Variants in P3H2 observed in about 807,000 individuals in gnomAD.
P3H2 encodes the protein leprecan-like 1.
P3H2 carries 80 observed loss-of-function variants against 87.0 expected under a neutral mutation model. That is an observed-to-expected ratio of 0.92 (90% CI 0.77 to 1.11). P3H2 has a LOEUF of 1.11. Among genes scored for constraint, P3H2 ranks in the 50% least tolerant of loss-of-function variants. P3H2 has a pLI of 0.00. For missense variants in P3H2, 1,001 were observed against 923.9 expected (o/e 1.08, Z -1.08); for synonymous variants, 367 against 359.3 (o/e 1.02, Z -0.24).
At chr3:190,002,490 T>A (rs1450535759) in intron 1 of P3H2, among the ~76,000 whole-genome samples, 2 of 151,858 alleles carry the variant, frequency 1.3e-5, no homozygotes, top group Non-Finnish European at 2.9e-5. Context: ...AATCTCTGCC[T>A]CCTGGGTTCG....
At chr3:190,104,462 A>G (rs1217131748) in intron 1 of P3H2, among the ~76,000 whole-genome samples, 2 of 152,132 alleles carry the variant, frequency 1.3e-5, no homozygotes, top group Non-Finnish European at 2.9e-5. Context: ...TTATTTAAAT[A>G]TTATTATAAA....
At chr3:189,982,144 T>C (rs1246903700) in intron 8 of P3H2, among the ~76,000 whole-genome samples, 2 of 152,228 alleles carry the variant, frequency 1.3e-5, no homozygotes. Flanking sequence ...CTATGTTTCA[T>C]GCAGCAGGTG....
intron 1 of P3H2, among the ~76,000 whole-genome samples, chr3:190,053,710 G>A (rs1397035610): frequency 5.9e-5 from 9 of 152,090 alleles, no homozygotes; most frequent in East Asian, 1.9e-4. Flanking sequence ...CACGCGCCTC[G>A]GCCTCCCAAA....
Position 189,995,319 on chromosome 3 carries a change from A to T in P3H2, c.604T>A (p.Leu202Met). The T allele has an allele frequency of 6.2e-7, 1 of 1,614,106 alleles. No individual in the cohort carries two copies. The highest frequency in any genetic ancestry group is 2.2e-5 in the East Asian group (1 of 44,868). Residue 202 changes from leucine (L) to methionine (M), a missense_variant, in exon 2 of 15, where the codon TTG becomes ATG. Coordinates refer to ENST00000319332, the MANE Select transcript of P3H2 (RefSeq NM_018192.4). ...RATAGVEALQ[L>M]VDREAKPHME... Reference sequence around the variant, plus strand: ...TGTGGCTTGGCTTCTCTGTCTACCAACTGCAATGCTTCAACACCAGCTGTC... The same window carrying T: ...TGTGGCTTGGCTTCTCTGTCTACCATCTGCAATGCTTCAACACCAGCTGTC...
At position 189,983,059 on chromosome 3, in the gene P3H2, T is replaced by C. The variant is rs748203097; in HGVS notation, c.1311A>G (p.Arg437=). The C allele has an allele frequency of 4.3e-6, 7 of 1,613,298 alleles. No homozygotes were observed. The change falls in exon 8 of 15, where the codon CGA becomes CGG. Residue 437 remains arginine, a synonymous_variant. Coordinates refer to ENST00000319332, the MANE Select transcript of P3H2 (RefSeq NM_018192.4). ...MGKKLSPKID[R]DLREGGPLLY... ...ACAGCTACTTACCTTCTCTTAGGTCTCGATCTATCTTGGGTGATAGCTTTT... is the reference window on the plus strand; with the variant it reads ...ACAGCTACTTACCTTCTCTTAGGTCCCGATCTATCTTGGGTGATAGCTTTT...
At chr3:190,015,399 A>G (rs1393470882) in intron 1 of P3H2, among the ~76,000 whole-genome samples, 1 of 152,160 alleles carries the variant, frequency 6.6e-6, no homozygotes, top group African/African-American at 2.4e-5. Context: ...AAAAATGTAA[A>G]AGCATGCTTC....
chr3:190,034,015 T>C (rs1294326601), intron 1 of P3H2, among the ~76,000 whole-genome samples: 2 of 152,232 alleles, frequency 1.3e-5, no homozygotes, highest in Non-Finnish European at 2.9e-5. Context: ...TGGGTTTTGC[T>C]ACAATTTCAA....
chr3:190,043,700 C>T (rs1725714294), intron 1 of P3H2, among the ~76,000 whole-genome samples: 1 of 152,164 alleles, frequency 6.6e-6, no homozygotes, highest in African/African-American at 2.4e-5. Context: ...ACTATCCAGA[C>T]TTTATACTGT....
intron 3 of P3H2, among the ~76,000 whole-genome samples, chr3:189,990,904 C>A (rs1355978810): frequency 6.6e-6 from 1 of 152,150 alleles, no homozygotes; most frequent in Non-Finnish European, 1.5e-5. Flanking sequence ...CTGTGGTGAC[C>A]TTGAGCAAAT....
At chr3:190,031,042 A>G (rs1725236371) in intron 1 of P3H2, among the ~76,000 whole-genome samples, 1 of 152,206 alleles carries the variant, frequency 6.6e-6, no homozygotes, top group African/African-American at 2.4e-5. Flanking sequence ...ACATGTGAAT[A>G]TTTCTGACAC....
chr3:190,040,066 CT>C (rs1481775872), intron 1 of P3H2, among the ~76,000 whole-genome samples: 1 of 152,130 alleles, frequency 6.6e-6, no homozygotes, highest in Non-Finnish European at 1.5e-5. Context: ...GATATTTAGC[CT>C]TTTAATCTTT....
chr3:190,021,649 C>A (rs1447983613), intron 1 of P3H2, among the ~76,000 whole-genome samples: 1 of 134,838 alleles, frequency 7.4e-6, no homozygotes, highest in Non-Finnish European at 1.7e-5. Flanking sequence ...CCAACAGATG[C>A]CTATCCAGCT....
In P3H2 at chr3:190,067,735, G is replaced by A. The variant is rs150112181; in HGVS notation, c.480+52517C>T. ...GTTAAAAAGTTTTAAAATTATTTATGAAGTATTTCTGGGGGGGAATATTTT... is the reference window on the plus strand; with the variant it reads ...GTTAAAAAGTTTTAAAATTATTTATAAAGTATTTCTGGGGGGGAATATTTT... On this transcript the variant is annotated intron_variant, in intron 1 of 14. Transcript: ENST00000319332. 6.2e-4 allele frequency among the ~76,000 whole-genome samples: 94 copies of A among 152,172 alleles called. 2 individuals carry two copies. The East Asian group carries it at 0.018, about 28-fold the overall frequency.
At chr3:190,081,999 ATCCTAGCACTT>A (rs1357118693) in intron 1 of P3H2, among the ~76,000 whole-genome samples, 1 of 152,178 alleles carries the variant, frequency 6.6e-6, no homozygotes, top group African/African-American at 2.4e-5. Context: ...CACGCCTGTA[ATCCTAGCACTT>A]TAGGAGGCCA....
intron 1 of P3H2, among the ~76,000 whole-genome samples, chr3:190,013,311 T>C (rs1424788963): frequency 2.6e-5 from 4 of 152,218 alleles, no homozygotes; most frequent in African/African-American, 9.6e-5. Flanking sequence ...TTTTAAAAAT[T>C]ATGGCAGCTG....
rs9827352 is a variant in P3H2, at chr3:189,961,591, T to G, written c.2034+2367A>C. 7.8e-3 allele frequency among the ~76,000 whole-genome samples: 1,182 copies of G among 152,212 alleles called. 13 individuals are homozygous for G. Among genetic ancestry groups the G allele is most frequent in the African/African-American group, 0.027 (1,132 of 41,540 alleles). Reference sequence around the variant, plus strand: ...TGCACGTTAGAATCACCTGGGGAGCTCTTAAAACTCCTGAAACACAGATGT... The same window carrying G: ...TGCACGTTAGAATCACCTGGGGAGCGCTTAAAACTCCTGAAACACAGATGT... On this transcript the variant is annotated intron_variant, in intron 14 of 14. Coordinates refer to ENST00000319332, the MANE Select transcript of P3H2 (RefSeq NM_018192.4).
chr3:189,999,315 A>T (rs891378713), intron 1 of P3H2, among the ~76,000 whole-genome samples: 3 of 152,230 alleles, frequency 2.0e-5, no homozygotes, highest in African/African-American at 7.2e-5. Flanking sequence ...TAAAGGCTGA[A>T]CCATAAAACT....
At chr3:189,965,469 T>A (rs544045439) in intron 13 of P3H2, among the ~76,000 whole-genome samples, 1 of 152,342 alleles carries the variant, frequency 6.6e-6, no homozygotes, top group East Asian at 1.9e-4. Flanking sequence ...AGTTTCTTTT[T>A]ACTCTTCTAC....
rs559127492 is a variant in P3H2 at position 190,101,493 on chromosome 3, T to C, written c.480+18759A>G. On this transcript the variant is annotated intron_variant, in intron 1 of 14. Transcript: ENST00000319332. ...ATGGAGAAAGCTTTAGTGGTCTGGA[T>C]AGAAAATCGAATCAGCCACAACATT... Among the ~76,000 whole-genome samples, 9 of 149,876 alleles carry C rather than the reference T, an allele frequency of 6.0e-5. No homozygotes were observed. In the South Asian group the frequency reaches 1.7e-3, roughly 28 times the overall value.
Sources: allele counts gnomAD v4.1 joint callset (sites outside exome capture counted in the v4.1 genomes callset), GRCh38; gene constraint gnomAD v4.1.1; transcripts MANE v1.5; gene names NCBI Gene and HGNC (gene_info 2026-07-23, HGNC 2026-07-21).